NPHP4: variants seen among roughly 807,000 people sequenced by gnomAD.
NPHP4 encodes the protein nephrocystin 4.
NPHP4 carries 151 observed loss-of-function variants against 155.8 expected under a neutral mutation model. The ratio of observed to expected loss-of-function variants is 0.97; its 90% CI spans 0.85 to 1.11. The LOEUF (loss-of-function observed/expected upper bound fraction) is 1.11. Among genes scored for constraint, NPHP4 ranks in the 50% least tolerant of loss-of-function variants. The probability of loss-of-function intolerance (pLI) is 0.00; values close to 1 mark genes in which losing one functional copy is unlikely to be tolerated. For missense variants in NPHP4, 1,956 were observed against 1,925.7 expected (o/e 1.02, Z -0.29); for synonymous variants, 845 against 816.8 (o/e 1.03, Z -0.59).
rs577456229 is a variant in NPHP4 at position 5,947,945 on chromosome 1, G to A, written c.992+125C>T. 2.8e-4 allele frequency: 204 copies of A among 738,300 alleles called. No individual in the cohort carries two copies. The African/African-American group carries it at 3.4e-3, about 12-fold the overall frequency. The allele number at this position is 738,300 out of a possible 1,614,324, so 45.7% of individuals were successfully genotyped here. ...TGTTCCTAATGGGCACAACTTCCAA[G>A]AGGAAAGAAACACAAGGAAGAACTC... On this transcript the variant is annotated intron_variant, in intron 8 of 29. Coordinates refer to ENST00000378156, the MANE Select transcript of NPHP4 (RefSeq NM_015102.5).
chr1:5,935,571 T>C (rs1229314802), intron 9 of NPHP4, among the ~76,000 whole-genome samples: 1 of 152,238 alleles, frequency 6.6e-6, no homozygotes, highest in Non-Finnish European at 1.5e-5. Flanking sequence ...ATAACTCCAC[T>C]GCTTTTTAAA....
At chr1:5,908,378 T>G (rs1645015801) in intron 12 of NPHP4, among the ~76,000 whole-genome samples, 1 of 152,200 alleles carries the variant, frequency 6.6e-6, no homozygotes, top group African/African-American at 2.4e-5. Context: ...TAAAGCTGCT[T>G]CCTTGGAGAC....
intron 16 of NPHP4, among the ~76,000 whole-genome samples, chr1:5,902,298 G>A (rs141361495): frequency 4.6e-5 from 7 of 152,318 alleles, no homozygotes; most frequent in Admixed American, 1.3e-4. Context: ...GCTCACCCCA[G>A]GTGCAAAGCC....
intron 7 of NPHP4, among the ~76,000 whole-genome samples, chr1:5,950,706 C>T (rs1219916168): frequency 6.6e-6 from 1 of 152,198 alleles, no homozygotes; most frequent in East Asian, 1.9e-4. Context: ...GCCACCCCAA[C>T]CAAAGTCATC....
chr1:5,875,105 A>G lies in NPHP4; in HGVS notation c.2818-5T>C. The G allele has an allele frequency of 6.3e-7, 1 of 1,591,396 alleles. No homozygotes were observed. The highest frequency in any genetic ancestry group is 8.5e-7 in the Non-Finnish European group (1 of 1,172,566). ...TGTGCGGACGCTCTGCTGCGCCTGCAGACAAGAGGACATGGGTGGACAGGG... is the reference window on the plus strand; with the variant it reads ...TGTGCGGACGCTCTGCTGCGCCTGCGGACAAGAGGACATGGGTGGACAGGG... On this transcript the variant is annotated splice_region_variant and splice_polypyrimidine_tract_variant and intron_variant, in intron 20 of 29. Coordinates refer to ENST00000378156, the MANE Select transcript of NPHP4 (RefSeq NM_015102.5).
chr1:5,914,858 T>A (rs1239459953), intron 11 of NPHP4, among the ~76,000 whole-genome samples: 18 of 152,130 alleles, frequency 1.2e-4, no homozygotes, highest in Admixed American at 1.0e-3. Context: ...GGGTCGTGAA[T>A]GCGGTCCCCA....
chr1:5,873,709 C>G (rs543904382), intron 22 of NPHP4: 1 of 337,770 alleles, frequency 3.0e-6, no homozygotes, highest in Admixed American at 4.9e-5. Context: ...AGGTCAAAAG[C>G]TGAAACACAC....
chr1:5,956,070 G>A (rs56837230), intron 6 of NPHP4, among the ~76,000 whole-genome samples: 1 of 148,240 alleles, frequency 6.7e-6, no homozygotes, highest in Non-Finnish European at 1.5e-5. Context: ...GGGGGGGGGG[G>A]GTGCAGGGAG....
In NPHP4 at chr1:5,901,106, T is replaced by C. The variant is rs746226060; in HGVS notation, c.2143+3511A>G. Among the ~76,000 whole-genome samples, 9 of 152,172 alleles carry C rather than the reference T, an allele frequency of 5.9e-5. No individual in the cohort carries two copies. The South Asian group carries it at 1.0e-3, about 18-fold the overall frequency. On this transcript the variant is annotated intron_variant, in intron 16 of 29. Coordinates refer to ENST00000378156, the MANE Select transcript of NPHP4 (RefSeq NM_015102.5). ...AAAATGTTAGTAATAGGGGAAACTG[T>C]TGGGGTGGGGGGAGGTCCTACGGGA... is the stretch of plus-strand genomic sequence containing the variant.
rs759962769 is a variant in NPHP4 at position 5,879,494 on chromosome 1, TG to T, written c.2611+619del. The T allele has an allele frequency of 3.5e-5, 18 of 518,504 alleles. No individual in the cohort carries two copies. The East Asian group carries it at 6.5e-4, about 19-fold the overall frequency. 32.1% of individuals were successfully genotyped at this position (518,504 alleles called of 1,614,324 possible). On this transcript the variant is annotated intron_variant, in intron 19 of 29. Transcript: ENST00000378156. ...GTTCACAACATAGGGTACTTCAACT[TG>T]TTTTGAAAATCAGTCTATGTTCCTC...
chr1:5,871,237 C>CA (rs1468788149), intron 23 of NPHP4, among the ~76,000 whole-genome samples: 4 of 152,162 alleles, frequency 2.6e-5, no homozygotes, highest in African/African-American at 9.7e-5. Context: ...TAAATTATTT[C>CA]AAAATAACTA....
At chr1:5,878,660 C>T (rs1642872559) in intron 19 of NPHP4, among the ~76,000 whole-genome samples, 1 of 152,186 alleles carries the variant, frequency 6.6e-6, no homozygotes, top group Admixed American at 6.5e-5. Context: ...CTGTCCTGGT[C>T]CTGAGCAAAA....
rs775756840 is a variant in NPHP4 at position 5,904,766 on chromosome 1, G to A, written c.1994C>T (p.Thr665Ile). The change falls in exon 16 of 30, where the codon ACT (threonine) becomes ATT (isoleucine). Residue 665 changes from threonine (T) to isoleucine (I), a missense_variant. Transcript: ENST00000378156. ...GTAGAACTGGAAGGTGAAATACACA[G>A]TCTTTGGCCATGATGTTCCTCGGCA... ...QDCRGTSWPK[T>I]VYFTFQFYRF... 6.2e-7 allele frequency: 1 copy of A among 1,614,028 alleles called. No homozygotes were observed. Among genetic ancestry groups the A allele is most frequent in the Admixed American group, 1.7e-5 (1 of 60,028 alleles).
At chr1:5,879,726 C>T in intron 19 of NPHP4, 1 of 422,244 alleles carries the variant, frequency 2.4e-6, no homozygotes, top group Non-Finnish European at 4.7e-6. Context: ...ATATGGACAG[C>T]ACAGTCCTGC....
In NPHP4 at chr1:5,903,275, G is replaced by A. The variant is rs566990125; in HGVS notation, c.2143+1342C>T. Reference sequence around the variant, plus strand: ...TTGAGGCTACGTATGTTAGAAGATCGCGGATTCAGAACTGTTTCTTTTCCT... The same window carrying A: ...TTGAGGCTACGTATGTTAGAAGATCACGGATTCAGAACTGTTTCTTTTCCT... On this transcript the variant is annotated intron_variant, in intron 16 of 29. Transcript: ENST00000378156. 5.3e-5 allele frequency among the ~76,000 whole-genome samples: 8 copies of A among 152,258 alleles called. No individual in the cohort carries two copies. In the South Asian group the frequency reaches 8.3e-4, roughly 16 times the overall value.
At chr1:5,964,165 A>C (rs1350222046) in intron 5 of NPHP4, among the ~76,000 whole-genome samples, 1 of 152,240 alleles carries the variant, frequency 6.6e-6, no homozygotes, top group East Asian at 1.9e-4. Context: ...TGGAACAGTG[A>C]GTAAGAAGAG....
At position 5,986,228 on chromosome 1, in the gene NPHP4, G is replaced by A. The variant is rs1655464570; in HGVS notation, c.62C>T (p.Ala21Val). Residue 21 changes from alanine (A) to valine (V), a missense_variant, in exon 2 of 30, where the codon GCG (alanine) becomes GTG (valine). Coordinates refer to ENST00000378156, the MANE Select transcript of NPHP4 (RefSeq NM_015102.5). The part of the protein sequence containing the change: ...NVLVPPHPQR[A>V]RQPWKESTAF... ...CGTGGATTCCTTCCAAGGCTGGCGC[G>A]CTCTCTGTGGGTGGGGAGGGACAAG... 5 of 1,613,850 alleles carry A rather than the reference G, an allele frequency of 3.1e-6. 1 individual carries two copies. The highest frequency in any genetic ancestry group is 2.7e-5 in the African/African-American group (2 of 75,024).
chr1:5,918,860 T>C (rs971307227), intron 11 of NPHP4, among the ~76,000 whole-genome samples: 1 of 152,192 alleles, frequency 6.6e-6, no homozygotes, highest in Non-Finnish European at 1.5e-5. Flanking sequence ...CAAAAATCCC[T>C]TCAGTGGTTT....
intron 23 of NPHP4, among the ~76,000 whole-genome samples, chr1:5,871,303 G>A (rs1261910093): frequency 1.3e-5 from 2 of 152,194 alleles, no homozygotes; most frequent in Non-Finnish European, 2.9e-5. Context: ...GGTGGCCTGA[G>A]AGAGGGCAGT....
Sources: allele counts gnomAD v4.1 joint callset (sites outside exome capture counted in the v4.1 genomes callset), GRCh38; gene constraint gnomAD v4.1.1; transcripts MANE v1.5; gene names NCBI Gene and HGNC (gene_info 2026-07-23, HGNC 2026-07-21).